The following ZNF804B variants were observed in gnomAD, a reference collection of about 807,000 sequenced individuals.
ZNF804B encodes the protein zinc finger 804B.
Under a neutral mutation model 101.4 loss-of-function variants are expected in ZNF804B, and 80 were observed. The observed-to-expected ratio is 0.79, with a 90% CI of 0.66 to 0.95. ZNF804B has a LOEUF of 0.95. ZNF804B is among the 40% of genes least tolerant of loss of function. ZNF804B has a pLI of 0.00. For missense variants in ZNF804B, 1,673 were observed against 1,561.9 expected, an observed-to-expected ratio of 1.07 and a Z score of -1.20; for synonymous variants, 622 against 558.8, an observed-to-expected ratio of 1.11 and a Z score of -1.59.
At chr7:89,097,401 C>T (rs908435750) in intron 1 of ZNF804B, among the ~76,000 whole-genome samples, 1 of 152,074 alleles carries the variant, frequency 6.6e-6, no homozygotes, top group African/African-American at 2.4e-5. Flanking sequence ...GAATTGAAAT[C>T]AGAGAAAATA....
At chr7:89,253,746 C>T (rs1234757880) in intron 2 of ZNF804B, among the ~76,000 whole-genome samples, 1 of 151,988 alleles carries the variant, frequency 6.6e-6, no homozygotes, top group East Asian at 1.9e-4. Context: ...ACAGGCCCAC[C>T]TAGTCATTAA....
chr7:89,012,096 A>G (rs992237837), intron 1 of ZNF804B, among the ~76,000 whole-genome samples: 3 of 152,104 alleles, frequency 2.0e-5, no homozygotes, highest in Admixed American at 6.5e-5. Flanking sequence ...TTTCAATAAC[A>G]TGTTTAAGCC....
At chr7:88,808,576 C>T (rs1291737133) in intron 1 of ZNF804B, among the ~76,000 whole-genome samples, 8 of 151,928 alleles carry the variant, frequency 5.3e-5, no homozygotes, top group Admixed American at 2.6e-4. Context: ...TTCTAACTCT[C>T]GCATTATGTC....
At chr7:89,169,882 C>A (rs1452724150) in intron 1 of ZNF804B, among the ~76,000 whole-genome samples, 1 of 152,048 alleles carries the variant, frequency 6.6e-6, no homozygotes, top group Non-Finnish European at 1.5e-5. Flanking sequence ...TACCTGTCAC[C>A]TCATCCGAGC....
chr7:89,337,747 CAT>C lies in ZNF804B; in HGVS notation c.*719_*720del, dbSNP rs1339149806. Among the ~76,000 whole-genome samples, 2 of 151,908 alleles carry C rather than the reference CAT, an allele frequency of 1.3e-5. No homozygotes were observed. Among genetic ancestry groups the C allele is most frequent in the Non-Finnish European group, 2.9e-5 (2 of 67,910 alleles). ...AGAATGTTTAACTTTTGTATAAAAA[CAT>C]ATACAAACTATCATTAGTATTTGAT... On this transcript the variant is annotated 3_prime_UTR_variant, in exon 4 of 4. Coordinates refer to ENST00000333190, the MANE Select transcript of ZNF804B (RefSeq NM_181646.5).
At chr7:89,171,073 T>C (rs1791216888) in intron 1 of ZNF804B, among the ~76,000 whole-genome samples, 1 of 152,210 alleles carries the variant, frequency 6.6e-6, no homozygotes. Flanking sequence ...TTTATATGAA[T>C]GACCAATAAG....
intron 1 of ZNF804B, among the ~76,000 whole-genome samples, chr7:89,214,874 T>C (rs1448234154): frequency 6.6e-6 from 1 of 152,348 alleles, no homozygotes; most frequent in East Asian, 1.9e-4. Context: ...GATGGTTACA[T>C]GTGTGGATAG....
intron 2 of ZNF804B, among the ~76,000 whole-genome samples, chr7:89,238,209 T>C (rs995317001): frequency 6.6e-6 from 1 of 152,100 alleles, no homozygotes. Flanking sequence ...GGAATGTTTA[T>C]AGAAATGTAT....
intron 1 of ZNF804B, among the ~76,000 whole-genome samples, chr7:88,907,863 C>T (rs1253787830): frequency 6.6e-6 from 1 of 151,920 alleles, no homozygotes; most frequent in Admixed American, 6.6e-5. Flanking sequence ...TTCATTCAGT[C>T]AGAAAAATCA....
At chr7:89,181,466 A>G (rs1562907532) in intron 1 of ZNF804B, among the ~76,000 whole-genome samples, 1 of 152,132 alleles carries the variant, frequency 6.6e-6, no homozygotes, top group East Asian at 1.9e-4. Flanking sequence ...TTGCGCTATA[A>G]TAGAGCAGCA....
chr7:89,257,202 T>C (rs953062481), intron 2 of ZNF804B, among the ~76,000 whole-genome samples: 1 of 152,160 alleles, frequency 6.6e-6, no homozygotes, highest in Non-Finnish European at 1.5e-5. Context: ...GCTGGAGAAG[T>C]GTCCCTCAGT....
chr7:89,230,563 G>C (rs150909211), intron 2 of ZNF804B, among the ~76,000 whole-genome samples: 2 of 152,082 alleles, frequency 1.3e-5, no homozygotes, highest in South Asian at 4.1e-4. Flanking sequence ...GTATGGTATC[G>C]TCAAGAGAAT....
chr7:89,298,702 A>G (rs1584112239), intron 2 of ZNF804B, among the ~76,000 whole-genome samples: 1 of 152,032 alleles, frequency 6.6e-6, no homozygotes, highest in African/African-American at 2.4e-5. Flanking sequence ...TTTTTGTACA[A>G]ATTTTATTAT....
At chr7:89,158,266 T>C (rs1791006127) in intron 1 of ZNF804B, among the ~76,000 whole-genome samples, 1 of 152,160 alleles carries the variant, frequency 6.6e-6, no homozygotes, top group Non-Finnish European at 1.5e-5. Flanking sequence ...GACTTTCTTA[T>C]CTTCTTAATG....
At chr7:88,960,643 C>T (rs1325724364) in intron 1 of ZNF804B, among the ~76,000 whole-genome samples, 1 of 151,150 alleles carries the variant, frequency 6.6e-6, no homozygotes, top group African/African-American at 2.4e-5. Flanking sequence ...AACATATTAT[C>T]TTTGTGATTT....
intron 1 of ZNF804B, among the ~76,000 whole-genome samples, chr7:89,076,410 C>A (rs1007640674): frequency 2.0e-5 from 3 of 152,120 alleles, no homozygotes; most frequent in Admixed American, 6.6e-5. Flanking sequence ...TAACTCCATC[C>A]ATGTAAGACG....
Position 89,103,048 on chromosome 7 carries a change from G to GTTTTTTTTTTTTTT in ZNF804B, c.109-115085_109-115072dup, listed in dbSNP as rs56693128. ...TTCTATTCCATTGACCTATGTGTCT[G>GTTTTTTTTTTTTTT]TTTTTTTTTTTTTTTTTTTTTTTTT... On this transcript the variant is annotated intron_variant, in intron 1 of 3. Coordinates refer to ENST00000333190, the MANE Select transcript of ZNF804B (RefSeq NM_181646.5). Among the ~76,000 whole-genome samples the GTTTTTTTTTTTTTT allele has an allele frequency of 1.8e-4, 6 of 33,750 alleles. 1 individual carries two copies. Among genetic ancestry groups the GTTTTTTTTTTTTTT allele is most frequent in the African/African-American group, 3.2e-4 (3 of 9,376 alleles). 22.1% of individuals were successfully genotyped at this position (33,750 alleles called of 152,430 possible).
intron 1 of ZNF804B, among the ~76,000 whole-genome samples, chr7:88,980,378 T>C (rs1349398471): frequency 6.6e-6 from 1 of 152,056 alleles, no homozygotes; most frequent in East Asian, 1.9e-4. Context: ...TGTTGGTGTT[T>C]GGGCATTGAG....
intron 1 of ZNF804B, among the ~76,000 whole-genome samples, chr7:89,214,569 C>T (rs958285071): frequency 1.3e-5 from 2 of 152,038 alleles, no homozygotes; most frequent in Non-Finnish European, 2.9e-5. Context: ...GTAAAAGTAT[C>T]CTGTCATTCA....
Sources: allele counts gnomAD v4.1 joint callset (sites outside exome capture counted in the v4.1 genomes callset), GRCh38; gene constraint gnomAD v4.1.1; transcripts MANE v1.5; gene names NCBI Gene and HGNC (gene_info 2026-07-23, HGNC 2026-07-21).